FMN2: variants seen among roughly 807,000 people sequenced by gnomAD.
FMN2 encodes the protein formin-2.
In FMN2, 51 loss-of-function variants were observed where a neutral mutation model predicts 142.3. The observed-to-expected ratio is 0.36, with a 90% CI of 0.29 to 0.45. The LOEUF is 0.45. Among genes scored for constraint, FMN2 ranks in the 20% least tolerant of loss-of-function variants. The pLI is 1.00. For synonymous variants in FMN2, 882 were observed against 869.8 expected, an observed-to-expected ratio of 1.01 and a Z score of -0.25; for missense variants, 1,936 against 2,122.8, an observed-to-expected ratio of 0.91 and a Z score of 1.73.
rs147633927 is a variant in FMN2, at chr1:240,426,577, C to T, written c.4911-11484C>T. ...TAGTACAGTGACCCTCCATTTTATC[C>T]ATCACTCAACTTCAACAACTATCAA... On this transcript the variant is annotated intron_variant, in intron 15 of 17. Coordinates refer to ENST00000319653, the MANE Select transcript of FMN2 (RefSeq NM_020066.5). Among the ~76,000 whole-genome samples the T allele has an allele frequency of 7.2e-5, 11 of 152,150 alleles. No individual in the cohort carries two copies. In the East Asian group the frequency reaches 2.1e-3, roughly 29 times the overall value.
chr1:240,092,131 C>A lies in FMN2; in HGVS notation c.22C>A (p.Leu8Met). The A allele has an allele frequency of 6.4e-7, 1 of 1,557,756 alleles. No individual in the cohort carries two copies. Among genetic ancestry groups the A allele is most frequent in the Admixed American group, 1.9e-5 (1 of 51,842 alleles). The change falls in exon 1 of 18, where the codon CTG (leucine) becomes ATG (methionine). Residue 8 changes from leucine (L) to methionine (M), a missense_variant. Transcript: ENST00000319653. MGNQDGK[L>M]KRSAGDALHE... Reference sequence around the variant, plus strand: ...CACCATGGGGAACCAGGATGGGAAGCTGAAGAGGAGCGCAGGTGATGCTTT... The same window carrying A: ...CACCATGGGGAACCAGGATGGGAAGATGAAGAGGAGCGCAGGTGATGCTTT...
chr1:240,472,315 T>TTTAG, intron 16 of FMN2, 57 bp from the exon 17 acceptor site: 1 of 1,262,250 alleles, frequency 7.9e-7, no homozygotes. Context: ...TACTATAAGG[T>TTTAG]AGAATGAGGT....
chr1:240,437,103 G>T (rs779035717), intron 15 of FMN2, among the ~76,000 whole-genome samples: 3 of 152,108 alleles, frequency 2.0e-5, no homozygotes. Flanking sequence ...CTAGTGGTAT[G>T]TTCTTTGTCA....
intron 1 of FMN2, among the ~76,000 whole-genome samples, chr1:240,106,436 T>C (rs971267674): frequency 5.9e-5 from 9 of 152,204 alleles, no homozygotes; most frequent in African/African-American, 2.2e-4. Context: ...GATACGGGAA[T>C]AGTTTCAAAC....
At chr1:240,148,383 AAGACAG>A (rs1277523427) in intron 2 of FMN2, among the ~76,000 whole-genome samples, 1 of 122,102 alleles carries the variant, frequency 8.2e-6, no homozygotes, top group African/African-American at 3.8e-5. Context: ...GAGAGAGAGA[AAGACAG>A]AGAGAAAGAC....
At chr1:240,155,552 A>T (rs961768445) in intron 2 of FMN2, among the ~76,000 whole-genome samples, 4 of 152,118 alleles carry the variant, frequency 2.6e-5, no homozygotes, top group African/African-American at 9.7e-5. Flanking sequence ...AAGTGCTGGG[A>T]TTATGTGAGC....
intron 2 of FMN2, among the ~76,000 whole-genome samples, chr1:240,130,017 C>G (rs1321097509): frequency 6.6e-6 from 1 of 152,136 alleles, no homozygotes; most frequent in African/African-American, 2.4e-5. Context: ...ACCCCACTCA[C>G]CGTGTAATAG....
At chr1:240,427,430 C>T (rs1028408103) in intron 15 of FMN2, among the ~76,000 whole-genome samples, 9 of 152,080 alleles carry the variant, frequency 5.9e-5, no homozygotes, top group African/African-American at 2.2e-4. Flanking sequence ...TGGTCTCCAT[C>T]TCCTGACCTT....
rs769708788 is a variant in FMN2 at position 240,207,744 on chromosome 1, C to G, written c.2932C>G (p.Pro978Ala). 15 of 1,506,088 alleles carry G rather than the reference C, an allele frequency of 1.0e-5. No homozygotes were observed. The highest frequency in any genetic ancestry group is 1.4e-5 in the Non-Finnish European group (15 of 1,100,630). 93.3% of individuals were successfully genotyped at this position (1,506,088 alleles called of 1,614,324 possible). A position where few individuals can be genotyped will look rare whatever the true frequency, so the allele number is the denominator to read the frequency against. ...TCTTCCCGGAGCAGGAATACCTCCT[C>G]CACCCCCTCTACCCGGAGCGGGCAT... Reference protein sequence around the residue: ...PPLPGAGIPPPPPLPGAGIPP... With the variant: ...PPLPGAGIPPAPPLPGAGIPP... Residue 978 changes from proline (P) to alanine (A), a missense_variant, in exon 5 of 18, where the codon CCA becomes GCA. By Grantham distance (27) the Pro-to-Ala change is conservative. Coordinates refer to ENST00000319653, the MANE Select transcript of FMN2 (RefSeq NM_020066.5).
intron 2 of FMN2, among the ~76,000 whole-genome samples, chr1:240,129,304 G>C (rs911891496): frequency 6.6e-6 from 1 of 151,976 alleles, no homozygotes; most frequent in East Asian, 1.9e-4. Context: ...ATAGATATAC[G>C]TATATATTTT....
chr1:240,116,787 G>A (rs1269824381), intron 1 of FMN2, among the ~76,000 whole-genome samples: 1 of 151,980 alleles, frequency 6.6e-6, no homozygotes, highest in Admixed American at 6.6e-5. Context: ...AAAAGTTATT[G>A]ATACCATGCT....
intron 16 of FMN2, among the ~76,000 whole-genome samples, chr1:240,460,747 A>T (rs527453954): frequency 6.6e-6 from 1 of 152,130 alleles, no homozygotes; most frequent in African/African-American, 2.4e-5. Flanking sequence ...CATTCTGAAA[A>T]TCACGTATTT....
Position 240,092,086 on chromosome 1 carries a change from G to T in FMN2, c.-24G>T. The T allele has an allele frequency of 6.5e-7, 1 of 1,536,030 alleles. No individual in the cohort carries two copies. Among genetic ancestry groups the T allele is most frequent in the Non-Finnish European group, 8.8e-7 (1 of 1,142,550 alleles). The stretch of plus-strand genomic sequence containing the variant: ...GGATGGCCTGAGTGCCCGCGGCGCG[G>T]CGGCGCAGCAGCGGGATTGCACCAT... On this transcript the variant is annotated 5_prime_UTR_variant, in exon 1 of 18. Transcript: ENST00000319653.
chr1:240,361,579 G>A (rs1000452850), intron 14 of FMN2, among the ~76,000 whole-genome samples: 1 of 152,190 alleles, frequency 6.6e-6, no homozygotes, highest in Admixed American at 6.5e-5. Context: ...TGATGGATAG[G>A]TGTCTAGATT....
intron 6 of FMN2, among the ~76,000 whole-genome samples, chr1:240,240,019 G>A (rs1323988438): frequency 6.6e-6 from 1 of 152,130 alleles, no homozygotes; most frequent in Non-Finnish European, 1.5e-5. Flanking sequence ...TACCGTCTAA[G>A]GTTTGCTTTC....
intron 2 of FMN2, among the ~76,000 whole-genome samples, chr1:240,125,339 A>G (rs1244414745): frequency 2.0e-5 from 3 of 152,112 alleles, no homozygotes; most frequent in African/African-American, 4.8e-5. Context: ...TCCTGCTGCA[A>G]TTTTTTAAAA....
At chr1:240,355,946 TTCAGCAAAAA>T in intron 14 of FMN2, 38 bp downstream of exon 14, 1 of 320,936 alleles carries the variant, frequency 3.1e-6, no homozygotes. Flanking sequence ...TTTCTCCCCT[TTCAGCAAAAA>T]AAAAAAAAAA....
At chr1:240,470,907 C>T (rs1176344412) in intron 16 of FMN2, among the ~76,000 whole-genome samples, 1 of 151,812 alleles carries the variant, frequency 6.6e-6, no homozygotes, top group Admixed American at 6.6e-5. Flanking sequence ...AATTTTATAG[C>T]CTTTTACAAT....
intron 16 of FMN2, among the ~76,000 whole-genome samples, chr1:240,441,714 G>A (rs1028828935): frequency 6.6e-6 from 1 of 150,762 alleles, no homozygotes; most frequent in East Asian, 2.0e-4. Context: ...CCTCATATGG[G>A]ATTAGTGTCC....
Sources: allele counts gnomAD v4.1 joint callset (sites outside exome capture counted in the v4.1 genomes callset), GRCh38; gene constraint gnomAD v4.1.1; transcripts MANE v1.5; gene names NCBI Gene and HGNC (gene_info 2026-07-23, HGNC 2026-07-21).